Variants in SYT9 observed in about 807,000 individuals in gnomAD.
SYT9 encodes synaptotagmin 9.
Under a neutral mutation model 48.4 loss-of-function variants are expected in SYT9, and 22 were observed. That is an observed-to-expected ratio of 0.45 (90% CI 0.32 to 0.65). SYT9 has a LOEUF of 0.65. Ranked by LOEUF, SYT9 falls within the 30% of genes least tolerant of loss-of-function variation. The pLI is 0.03. For missense variants in SYT9, 577 were observed against 622.0 expected (o/e 0.93, Z 0.77); for synonymous variants, 265 against 245.0 (o/e 1.08, Z -0.76).
At chr11:7,248,087 C>G (rs4362122), upstream of SYT9, among the ~76,000 whole-genome samples, 3,348 of 152,114 alleles carry the variant, frequency 0.022, 107 homozygotes, top group African/African-American at 0.076. Context: ...AGTATGTTGA[C>G]CATTTTTTCA....
intron 1 of SYT9, among the ~76,000 whole-genome samples, chr11:7,240,877 C>G (rs1262547283): frequency 6.6e-6 from 1 of 152,058 alleles, no homozygotes; most frequent in Non-Finnish European, 1.5e-5. Context: ...ATTATCTAAA[C>G]TTGATGGGTT....
intron 3 of SYT9, among the ~76,000 whole-genome samples, chr11:7,343,387 C>T (rs552839313): frequency 6.6e-6 from 1 of 152,174 alleles, no homozygotes; most frequent in African/African-American, 2.4e-5. Flanking sequence ...CTGCCAGATA[C>T]CCTAAATCAT....
chr11:7,266,778 A>G (rs1012661506), intron 1 of SYT9, among the ~76,000 whole-genome samples: 2 of 152,012 alleles, frequency 1.3e-5, no homozygotes, highest in African/African-American at 2.4e-5. Context: ...GTGGTGTCCC[A>G]TAGTGCTACA....
At chr11:7,305,764 C>T (rs569629716) in intron 2 of SYT9, among the ~76,000 whole-genome samples, 2 of 152,280 alleles carry the variant, frequency 1.3e-5, no homozygotes, top group African/African-American at 4.8e-5. Flanking sequence ...ATCACCGTCT[C>T]AGGACAGCCA....
intron 6 of SYT9, among the ~76,000 whole-genome samples, chr11:7,452,118 A>AACACACACACACACACACACACACACAC (rs142000557): frequency 2.7e-5 from 4 of 147,544 alleles, no homozygotes; most frequent in Non-Finnish European, 6.0e-5. Flanking sequence ...TTATATTTAA[A>AACACACACACACACACACACACACACAC]ACACACACAC....
chr11:7,332,226 G>C (rs1408068319), intron 3 of SYT9, among the ~76,000 whole-genome samples: 1 of 152,200 alleles, frequency 6.6e-6, no homozygotes, highest in Admixed American at 6.5e-5. Context: ...GAGCACCACT[G>C]AGGTATCCCA....
At chr11:7,398,781 C>G (rs1450077518) in intron 3 of SYT9, among the ~76,000 whole-genome samples, 1 of 152,046 alleles carries the variant, frequency 6.6e-6, no homozygotes, top group Non-Finnish European at 1.5e-5. Flanking sequence ...TGGAAAATTC[C>G]ACACCTGACC....
intron 2 of SYT9, among the ~76,000 whole-genome samples, chr11:7,307,260 T>C (rs1475852255): frequency 6.6e-6 from 1 of 152,250 alleles, no homozygotes; most frequent in Non-Finnish European, 1.5e-5. Flanking sequence ...AAATTGAATG[T>C]AATTATACTA....
At chr11:7,416,220 TAA>T (rs1364685972) in intron 4 of SYT9, 58 bp downstream of exon 4, 3 of 1,602,986 alleles carry the variant, frequency 1.9e-6, no homozygotes, top group Non-Finnish European at 2.6e-6. Context: ...AAGTACCTTA[TAA>T]AGTTTTAGTA....
At chr11:7,338,654 G>C (rs1302036592) in intron 3 of SYT9, among the ~76,000 whole-genome samples, 1 of 151,524 alleles carries the variant, frequency 6.6e-6, no homozygotes, top group African/African-American at 2.4e-5. Context: ...GTAATTGCAT[G>C]GTTTTGGGTG....
At chr11:7,348,696 T>TTTTTTTTTTTTTG (rs1849849515) in intron 3 of SYT9, among the ~76,000 whole-genome samples, 1 of 129,582 alleles carries the variant, frequency 7.7e-6, no homozygotes, top group African/African-American at 3.2e-5. Context: ...TCCTTTTTTT[T>TTTTTTTTTTTTTG]TTTTTTTTTT....
intron 3 of SYT9, among the ~76,000 whole-genome samples, chr11:7,406,597 G>A (rs1038754995): frequency 2.8e-5 from 4 of 140,800 alleles, no homozygotes; most frequent in Non-Finnish European, 6.1e-5. Context: ...TTTGTCCGTC[G>A]ATGGACACTT....
rs1258437995 is a variant in SYT9 at position 7,252,777 on chromosome 11, C to T, written c.145+446C>T. The stretch of plus-strand genomic sequence containing the variant: ...GCCCCGGGTTGGGGCCGAATCCCAC[C>T]GGGTGCTGCTCATCCTTTCTCCCAA... On this transcript the variant is annotated intron_variant, in intron 1 of 6. Coordinates refer to ENST00000318881, the MANE Select transcript of SYT9 (RefSeq NM_175733.4). This position sits in a 1 kb window ranked among gnomAD's most constrained non-coding sequence, Gnocchi z 6.3. Among the ~76,000 whole-genome samples, 1 of 152,238 alleles carries T rather than the reference C, an allele frequency of 6.6e-6. No homozygotes were observed. Among genetic ancestry groups the T allele is most frequent in the Non-Finnish European group, 1.5e-5 (1 of 68,046 alleles).
chr11:7,323,665 G>T (rs1849377268), intron 3 of SYT9, among the ~76,000 whole-genome samples: 2 of 151,862 alleles, frequency 1.3e-5, no homozygotes, highest in African/African-American at 4.8e-5. Flanking sequence ...CATGTGTTTT[G>T]TTCCTTTTAT....
chr11:7,280,888 A>T (rs1376232700), intron 1 of SYT9, among the ~76,000 whole-genome samples: 2 of 152,184 alleles, frequency 1.3e-5, no homozygotes, highest in Non-Finnish European at 2.9e-5. Flanking sequence ...ACTTTTGAGA[A>T]TCATCTTTGA....
intron 1 of SYT9, among the ~76,000 whole-genome samples, chr11:7,260,257 C>A (rs956657024): frequency 6.6e-6 from 1 of 152,070 alleles, no homozygotes; most frequent in Admixed American, 6.6e-5. Context: ...GGATACAGTA[C>A]AGAAAAAAGA....
At chr11:7,243,710 A>G (rs1031564651) in intron 1 of SYT9, among the ~76,000 whole-genome samples, 37 of 151,994 alleles carry the variant, frequency 2.4e-4, no homozygotes, top group African/African-American at 8.7e-4. Flanking sequence ...GGGATGGGGG[A>G]GGTTTGCTGT....
rs1015162268 is a variant in SYT9, at chr11:7,313,648, G to A, written c.751G>A (p.Asp251Asn). ...IHKAVNLPAK[D>N]FSGTSDPYVK... ...CAAAGCTGTCAATTTGCCCGCCAAG[G>A]ACTTTTCTGGGACTTCAGATCCTTA... The change falls in exon 3 of 7, where the codon GAC becomes AAC. Residue 251 changes from aspartate (D) to asparagine (N), a missense_variant. Asp to Asn is a conservative substitution (Grantham distance 23). Coordinates refer to ENST00000318881, the MANE Select transcript of SYT9 (RefSeq NM_175733.4). 1 of 1,614,056 alleles carries A rather than the reference G, an allele frequency of 6.2e-7. No homozygotes were observed.
intron 1 of SYT9, among the ~76,000 whole-genome samples, chr11:7,267,152 C>T (rs1020333387): frequency 2.0e-5 from 3 of 151,756 alleles, no homozygotes; most frequent in Non-Finnish European, 2.9e-5. Context: ...ATTAATGAAG[C>T]AATATGTGAA....
Sources: gnomAD v4.1 joint callset for allele counts (sites outside exome capture counted in the v4.1 genomes callset) on GRCh38, gnomAD v4.1.1 for gene constraint, Gnocchi (gnomAD v3.1) non-coding constraint, MANE v1.5 for transcripts, NCBI Gene and HGNC (gene_info 2026-07-23, HGNC 2026-07-21) for gene names.